LRBA: variants seen among roughly 807,000 people sequenced by gnomAD.
LRBA encodes lipopolysaccharide-responsive and beige-like anchor protein.
LRBA carries 176 observed loss-of-function variants against 330.0 expected under a neutral mutation model. The observed-to-expected ratio is 0.53, with a 90% CI of 0.47 to 0.60. The LOEUF (loss-of-function observed/expected upper bound fraction) is 0.60. Ranked by LOEUF, LRBA falls within the 20% of genes least tolerant of loss-of-function variation. The pLI is 0.00. For synonymous variants in LRBA, 1,230 were observed against 1,193.0 expected (o/e 1.03, Z -0.64); for missense variants, 3,259 against 3,444.8 (o/e 0.95, Z 1.35).
intron 44 of LRBA, among the ~76,000 whole-genome samples, chr4:150,441,797 A>T (rs2152005909): frequency 6.6e-6 from 1 of 151,752 alleles, no homozygotes; most frequent in Middle Eastern, 3.4e-3. Flanking sequence ...TATATTTAAA[A>T]CTATTGTATT....
chr4:150,827,193 T>C (rs558216719), intron 30 of LRBA, among the ~76,000 whole-genome samples: 2 of 152,294 alleles, frequency 1.3e-5, no homozygotes, highest in Admixed American at 6.5e-5. Flanking sequence ...GAAAATGAAC[T>C]GACATTAGAC....
At chr4:150,801,983 C>G (rs1246659941) in intron 33 of LRBA, among the ~76,000 whole-genome samples, 1 of 150,078 alleles carries the variant, frequency 6.7e-6, no homozygotes, top group Non-Finnish European at 1.5e-5. Flanking sequence ...ACAGCCTGGG[C>G]AACGCAGCAA....
At chr4:150,747,288 G>A (rs1239900038) in intron 35 of LRBA, among the ~76,000 whole-genome samples, 1 of 152,150 alleles carries the variant, frequency 6.6e-6, no homozygotes, top group African/African-American at 2.4e-5. Flanking sequence ...TCCCTCCACA[G>A]AAGTAATCCC....
chr4:150,573,687 A>C (rs1770168295), intron 40 of LRBA, among the ~76,000 whole-genome samples: 1 of 152,196 alleles, frequency 6.6e-6, no homozygotes, highest in Non-Finnish European at 1.5e-5. Context: ...ATTTCCTACC[A>C]AGCTACTCTG....
intron 47 of LRBA, among the ~76,000 whole-genome samples, chr4:150,398,477 T>C (rs555805450): frequency 1.3e-5 from 2 of 152,298 alleles, no homozygotes; most frequent in African/African-American, 4.8e-5. Context: ...ACTATTGCAT[T>C]TGGTATAAAA....
intron 37 of LRBA, among the ~76,000 whole-genome samples, chr4:150,670,976 T>C (rs1394049570): frequency 6.6e-6 from 1 of 151,546 alleles, no homozygotes; most frequent in African/African-American, 2.4e-5. Context: ...TGTTAGATTT[T>C]CACTTTGTCC....
intron 2 of LRBA, among the ~76,000 whole-genome samples, chr4:151,000,083 TAC>T (rs547894026): frequency 9.0e-4 from 137 of 152,312 alleles, no homozygotes; most frequent in African/African-American, 3.0e-3. Context: ...GTTAGAACAA[TAC>T]ACAGTTTCCA....
intron 44 of LRBA, among the ~76,000 whole-genome samples, chr4:150,458,329 C>T (rs1341418327): frequency 4.0e-5 from 6 of 151,868 alleles, no homozygotes; most frequent in Admixed American, 2.0e-4. Context: ...TATGCTTCCA[C>T]TTTCCTGAAC....
chr4:150,813,172 AAAAAG>A (rs202116513), intron 31 of LRBA, among the ~76,000 whole-genome samples: 85,988 of 127,050 alleles, frequency 0.68, 33,037 homozygotes, highest in Non-Finnish European at 0.88. Context: ...AAAAAAAAAA[AAAAAG>A]AAAGAAAGAA....
At chr4:150,361,760 C>A (rs1017863879) in intron 47 of LRBA, among the ~76,000 whole-genome samples, 12 of 148,202 alleles carry the variant, frequency 8.1e-5, no homozygotes, top group Non-Finnish European at 1.5e-5. Context: ...ATGCCAACTG[C>A]CCATCATACT....
chr4:150,598,365 A>G (rs73861628), intron 38 of LRBA, among the ~76,000 whole-genome samples: 111 of 152,308 alleles, frequency 7.3e-4, no homozygotes, highest in African/African-American at 2.5e-3. Context: ...CAATTTACTT[A>G]TAAGACTTTT....
intron 2 of LRBA, among the ~76,000 whole-genome samples, chr4:151,000,847 C>T (rs1438839659): frequency 6.6e-6 from 1 of 152,206 alleles, no homozygotes; most frequent in Non-Finnish European, 1.5e-5. Context: ...TGACAAGAAA[C>T]ACCTAAAGAA....
At chr4:150,291,741 A>G (rs1382193380) in intron 53 of LRBA, among the ~76,000 whole-genome samples, 2 of 147,040 alleles carry the variant, frequency 1.4e-5, no homozygotes, top group Non-Finnish European at 3.0e-5. Context: ...CCAAAGGACT[A>G]TAAATCATGC....
In LRBA at chr4:150,675,000, T is replaced by C. The variant is rs556162582; in HGVS notation, c.5921+8551A>G. Among the ~76,000 whole-genome samples, 8 of 152,170 alleles carry C rather than the reference T, an allele frequency of 5.3e-5. No individual in the cohort carries two copies. The South Asian group carries it at 1.7e-3, about 32-fold the overall frequency. On this transcript the variant is annotated intron_variant, in intron 37 of 56. Transcript: ENST00000651943. ...TGGAAGCCAAGGTAGGTAGATTGCT[T>C]GAGCCCAGGGGTTCAAGACCAGCCT... is the stretch of plus-strand genomic sequence containing the variant.
intron 40 of LRBA, among the ~76,000 whole-genome samples, chr4:150,574,591 C>T (rs926859821): frequency 9.2e-5 from 14 of 151,970 alleles, no homozygotes; most frequent in African/African-American, 2.7e-4. Flanking sequence ...TTTGCTGATA[C>T]GTTCACACTG....
At chr4:150,706,014 T>C (rs564859763) in intron 36 of LRBA, among the ~76,000 whole-genome samples, 1 of 152,128 alleles carries the variant, frequency 6.6e-6, no homozygotes, top group African/African-American at 2.4e-5. Flanking sequence ...ACTATCAATA[T>C]CTGCAGAAGA....
chr4:150,905,372 G>C (rs1458917553), intron 13 of LRBA, among the ~76,000 whole-genome samples: 1 of 151,514 alleles, frequency 6.6e-6, no homozygotes, highest in Non-Finnish European at 1.5e-5. Flanking sequence ...AAAAGAGAGA[G>C]AGCAGGAGCA....
intron 37 of LRBA, among the ~76,000 whole-genome samples, chr4:150,609,560 C>A (rs529292489): frequency 5.5e-4 from 83 of 152,246 alleles, no homozygotes; most frequent in African/African-American, 1.9e-3. Context: ...AGGAAGTTCA[C>A]TTGGTGCAAG....
Position 150,792,378 on chromosome 4 carries a change from T to C in LRBA, c.5580+5703A>G, listed in dbSNP as rs574731614. Among the ~76,000 whole-genome samples, 4 of 152,270 alleles carry C rather than the reference T, an allele frequency of 2.6e-5. No individual in the cohort carries two copies. The South Asian group carries it at 6.2e-4, about 24-fold the overall frequency. On this transcript the variant is annotated intron_variant, in intron 34 of 56. Coordinates refer to ENST00000651943, the MANE Select transcript of LRBA (RefSeq NM_001364905.1). ...TTGAGGTGACAGAGGAGGGGATTGA[T>C]TGAAAAGAGGCACAGGGAAATTTGA...
Sources: allele counts gnomAD v4.1 joint callset (sites outside exome capture counted in the v4.1 genomes callset), GRCh38; gene constraint gnomAD v4.1.1; transcripts MANE v1.5; gene names NCBI Gene and HGNC (gene_info 2026-07-23, HGNC 2026-07-21).